Variants in MAB21L3 observed in about 807,000 individuals in gnomAD.
MAB21L3 encodes the protein protein mab-21-like 3.
MAB21L3 carries 36 observed loss-of-function variants against 37.7 expected under a neutral mutation model. The observed-to-expected ratio is 0.96, with a 90% confidence interval of 0.73 to 1.26. The LOEUF is 1.26. Among genes scored for constraint, MAB21L3 ranks in the 50% most tolerant of loss-of-function variants. The probability of loss-of-function intolerance (pLI) is 0.00; values close to 1 mark genes in which losing one functional copy is unlikely to be tolerated. For synonymous variants in MAB21L3, 186 were observed against 176.8 expected, an observed-to-expected ratio of 1.05 and a Z score of -0.41; for missense variants, 430 against 447.3, an observed-to-expected ratio of 0.96 and a Z score of 0.35.
At position 116,127,637 on chromosome 1, in the gene MAB21L3, G is replaced by A. The variant is rs1250170279; in HGVS notation, c.653G>A (p.Cys218Tyr). Residue 218 changes from cysteine to tyrosine, a missense_variant, in exon 6 of 8, where the codon TGC (cysteine) becomes TAC (tyrosine). Coordinates refer to ENST00000369500, the MANE Select transcript of MAB21L3 (RefSeq NM_152367.3). ...QRWPSQERVE[C>Y]IKSFGFNLLA... ...TGGCCTTCCCAAGAGAGAGTGGAGT[G>A]CATCAAGGTATCAGTGGGCGGGACC... 3 of 1,612,242 alleles carry A rather than the reference G, an allele frequency of 1.9e-6. No individual in the cohort carries two copies. The highest frequency in any genetic ancestry group is 2.5e-6 in the Non-Finnish European group (3 of 1,179,322).
chr1:116,135,854 A>G lies in MAB21L3; in HGVS notation c.*2489A>G, dbSNP rs1352395133. 6.6e-6 allele frequency among the ~76,000 whole-genome samples: 1 copy of G among 151,154 alleles called. No individual in the cohort carries two copies. Among genetic ancestry groups the G allele is most frequent in the Admixed American group, 6.6e-5 (1 of 15,196 alleles). ...CAAATCAATAAATGTAATCCAGCAT[A>G]TAAACAGAACCAAAGACAAAAACCA... On this transcript the variant is annotated 3_prime_UTR_variant, in exon 8 of 8. Coordinates refer to ENST00000369500, the MANE Select transcript of MAB21L3 (RefSeq NM_152367.3).
intron 5 of MAB21L3, among the ~76,000 whole-genome samples, chr1:116,126,050 A>G (rs906513447): frequency 6.6e-6 from 1 of 152,224 alleles, no homozygotes; most frequent in African/African-American, 2.4e-5. Context: ...AGCTCTGATG[A>G]GATGCAGACA....
Position 116,136,634 on chromosome 1 carries a change from C to T in MAB21L3, c.*3269C>T, listed in dbSNP as rs1399171276. Among the ~76,000 whole-genome samples the T allele has an allele frequency of 6.6e-6, 1 of 152,118 alleles. No individual in the cohort carries two copies. Among genetic ancestry groups the T allele is most frequent in the Non-Finnish European group, 1.5e-5 (1 of 68,022 alleles). On this transcript the variant is annotated 3_prime_UTR_variant, in exon 8 of 8. Coordinates refer to ENST00000369500, the MANE Select transcript of MAB21L3 (RefSeq NM_152367.3). ...AATTGGAAAAAACTACTTTAAAGTT[C>T]ATATGGAACCAAAAAAGAGCCTGCA...
rs1437046634 is a variant in MAB21L3 at position 116,124,135 on chromosome 1, G to C, written c.259G>C (p.Glu87Gln). The part of the protein sequence containing the change: ...KGLAGYREAR[E>Q]QHWRYYTLQG... ...CCTGGCCGGGTACAGGGAGGCCAGG[G>C]AGCAGCACTGGCGGTACTACACACT... The change falls in exon 5 of 8, where the codon GAG (glutamate) becomes CAG (glutamine). Residue 87 changes from glutamate (E) to glutamine (Q), a missense_variant. Glu to Gln is a conservative substitution (Grantham distance 29). Transcript: ENST00000369500. 2 of 1,614,186 alleles carry C rather than the reference G, an allele frequency of 1.2e-6. No individual in the cohort carries two copies. Among genetic ancestry groups the C allele is most frequent in the Non-Finnish European group, 1.7e-6 (2 of 1,180,022 alleles).
chr1:116,118,278 A>G (rs1198270696), intron 3 of MAB21L3, among the ~76,000 whole-genome samples: 2 of 152,030 alleles, frequency 1.3e-5, no homozygotes, highest in Non-Finnish European at 2.9e-5. Flanking sequence ...GCTACTCGGG[A>G]GGCTGAGGCA....
chr1:116,120,738 T>C (rs1415445901), intron 3 of MAB21L3, among the ~76,000 whole-genome samples, 194 bp from the exon 4 acceptor site: 1 of 152,102 alleles, frequency 6.6e-6, no homozygotes, highest in Non-Finnish European at 1.5e-5. Flanking sequence ...GAAAAGAACA[T>C]TGAGGCACCA....
Position 116,137,688 on chromosome 1 carries a change from C to A in MAB21L3, c.*4323C>A, listed in dbSNP as rs4366320. ...GACACATGCACACGTATGTTTATTG[C>A]GGCATTATTCACAATAGCAGACTTG... is the stretch of plus-strand genomic sequence containing the variant. On this transcript the variant is annotated 3_prime_UTR_variant, in exon 8 of 8. Transcript: ENST00000369500. Among the ~76,000 whole-genome samples, 1 of 151,542 alleles carries A rather than the reference C, an allele frequency of 6.6e-6. No individual in the cohort carries two copies. The highest frequency in any genetic ancestry group is 1.5e-5 in the Non-Finnish European group (1 of 67,986).
rs1315102305 is a variant in MAB21L3, at chr1:116,135,755, C to G, written c.*2390C>G. Among the ~76,000 whole-genome samples the G allele has an allele frequency of 6.6e-6, 1 of 152,144 alleles. No individual in the cohort carries two copies. The highest frequency in any genetic ancestry group is 1.9e-4 in the East Asian group (1 of 5,192). Reference sequence around the variant, plus strand: ...TAAAATTCTGGCAAACCGAATCCAGCAGCACATCAAAAAGCTTATCCACCA... The same window carrying G: ...TAAAATTCTGGCAAACCGAATCCAGGAGCACATCAAAAAGCTTATCCACCA... On this transcript the variant is annotated 3_prime_UTR_variant, in exon 8 of 8. Transcript: ENST00000369500.
chr1:116,133,670 C>G lies in MAB21L3; in HGVS notation c.*305C>G. On this transcript the variant is annotated 3_prime_UTR_variant, in exon 8 of 8. Coordinates refer to ENST00000369500, the MANE Select transcript of MAB21L3 (RefSeq NM_152367.3). Reference sequence around the variant, plus strand: ...AGTTCTGAACTTAGTTTCCCTTGTTCAGGCTGTGATCGTCTCACAGTGAAG... The same window carrying G: ...AGTTCTGAACTTAGTTTCCCTTGTTGAGGCTGTGATCGTCTCACAGTGAAG... 2.2e-6 allele frequency: 1 copy of G among 451,676 alleles called. No individual in the cohort carries two copies. The highest frequency in any genetic ancestry group is 4.1e-6 in the Non-Finnish European group (1 of 246,652). The allele number at this position is 451,676 out of a possible 1,614,324, so 28.0% of individuals were successfully genotyped here.
rs545947281 is a variant in MAB21L3, at chr1:116,133,608, A to G, written c.*243A>G. On this transcript the variant is annotated 3_prime_UTR_variant, in exon 8 of 8. Transcript: ENST00000369500. ...GCTAATTCTCCTGGAGACAGCTCTC[A>G]TCAGGCTTCCCCAGGCACAGATTTG... is the stretch of plus-strand genomic sequence containing the variant. 15 of 566,394 alleles carry G rather than the reference A, an allele frequency of 2.6e-5. No individual in the cohort carries two copies. Among genetic ancestry groups the G allele is most frequent in the Non-Finnish European group, 4.1e-5 (13 of 316,712 alleles). The allele number at this position is 566,394 out of a possible 1,614,324, so 35.1% of individuals were successfully genotyped here.
rs1417752481 is a variant in MAB21L3 at position 116,134,618 on chromosome 1, G to A, written c.*1253G>A. The stretch of plus-strand genomic sequence containing the variant: ...TCAGTATTTTATTCTAAGATCAAAG[G>A]TGTGACATTTGGCCTCTCCAGAAGC... On this transcript the variant is annotated 3_prime_UTR_variant, in exon 8 of 8. Coordinates refer to ENST00000369500, the MANE Select transcript of MAB21L3 (RefSeq NM_152367.3). 6.6e-6 allele frequency: 1 copy of A among 152,232 alleles called. No homozygotes were observed. Among genetic ancestry groups the A allele is most frequent in the African/African-American group, 2.4e-5 (1 of 41,446 alleles). 9.4% of individuals were successfully genotyped at this position (152,232 alleles called of 1,614,324 possible).
Position 116,134,208 on chromosome 1 carries a change from T to C in MAB21L3, c.*843T>C, listed in dbSNP as rs868584381. On this transcript the variant is annotated 3_prime_UTR_variant, in exon 8 of 8. Coordinates refer to ENST00000369500, the MANE Select transcript of MAB21L3 (RefSeq NM_152367.3). ...TTATATATTTATGTAAATAACCTAG[T>C]ACTATGATCTGCATGGAGTGACCTT... is the stretch of plus-strand genomic sequence containing the variant. 71 of 152,296 alleles carry C rather than the reference T, an allele frequency of 4.7e-4. 4 individuals carry two copies. Among genetic ancestry groups the C allele is most frequent in the Non-Finnish European group, 7.3e-5 (5 of 68,098 alleles). 9.4% of individuals were successfully genotyped at this position (152,296 alleles called of 1,614,324 possible). A position where few individuals can be genotyped will look rare whatever the true frequency, so the allele number is the denominator to read the frequency against.
chr1:116,113,100 A>T (rs1291102294), intron 3 of MAB21L3, among the ~76,000 whole-genome samples: 1 of 152,232 alleles, frequency 6.6e-6, no homozygotes, highest in Non-Finnish European at 1.5e-5. Context: ...AAATATTATT[A>T]TATTTTTAGT....
chr1:116,122,096 T>A (rs931835762), intron 4 of MAB21L3, among the ~76,000 whole-genome samples: 1 of 152,210 alleles, frequency 6.6e-6, no homozygotes, highest in Non-Finnish European at 1.5e-5. Flanking sequence ...ATATGTGGAA[T>A]GAATGAATAA....
intron 3 of MAB21L3, among the ~76,000 whole-genome samples, chr1:116,118,297 A>G (rs1338905326): frequency 6.6e-6 from 1 of 151,498 alleles, no homozygotes; most frequent in Non-Finnish European, 1.5e-5. Context: ...CAGGACAATC[A>G]CTTGAACCGA....
At position 116,111,490 on chromosome 1, in the gene MAB21L3, C is replaced by T. The variant is rs1445607787; in HGVS notation, c.-412C>T. Among the ~76,000 whole-genome samples, 1 of 152,102 alleles carries T rather than the reference C, an allele frequency of 6.6e-6. No individual in the cohort carries two copies. Among genetic ancestry groups the T allele is most frequent in the African/African-American group, 2.4e-5 (1 of 41,426 alleles). ...TTACAGGTGGGCTTGGAAACACTTGCCTTTGGAACATTGTTTAAAAGTAAG... is the reference window on the plus strand; with the variant it reads ...TTACAGGTGGGCTTGGAAACACTTGTCTTTGGAACATTGTTTAAAAGTAAG... On this transcript the variant is annotated 5_prime_UTR_variant, in exon 1 of 8. Transcript: ENST00000369500.
intron 5 of MAB21L3, among the ~76,000 whole-genome samples, chr1:116,124,876 CACACACACACACAT>C (rs1191927989): frequency 7.1e-6 from 1 of 140,584 alleles, no homozygotes; most frequent in African/African-American, 3.1e-5. Flanking sequence ...TGCATACACA[CACACACACACACAT>C]ACACACACAC....
intron 3 of MAB21L3, among the ~76,000 whole-genome samples, chr1:116,120,502 TATA>T (rs1188893114): frequency 6.6e-6 from 1 of 151,466 alleles, no homozygotes; most frequent in Non-Finnish European, 1.5e-5. Flanking sequence ...TGTCTGTGTG[TATA>T]ATATCAGATA....
At position 116,128,249 on chromosome 1, in the gene MAB21L3, C is replaced by T. The variant is rs1659967667; in HGVS notation, c.765C>T (p.Cys255=). 1 of 1,613,902 alleles carries T rather than the reference C, an allele frequency of 6.2e-7. No homozygotes were observed. The highest frequency in any genetic ancestry group is 1.7e-5 in the Admixed American group (1 of 59,984). Residue 255 remains cysteine (C), a synonymous_variant, in exon 7 of 8, where the codon TGC becomes TGT. Coordinates refer to ENST00000369500, the MANE Select transcript of MAB21L3 (RefSeq NM_152367.3). ...LLEQLDEDGG[C]RRKCFQVMRH... is the part of the protein sequence containing the mutation. ...AACAGCTGGATGAAGATGGGGGCTG[C>T]CGTAGGAAGTGTTTTCAGGTCATGA...
Sources: allele counts gnomAD v4.1 joint callset (sites outside exome capture counted in the v4.1 genomes callset), GRCh38; gene constraint gnomAD v4.1.1; transcripts MANE v1.5; gene names NCBI Gene and HGNC (gene_info 2026-07-23, HGNC 2026-07-21).